The following UACA variants were observed in gnomAD, a reference collection of about 807,000 sequenced individuals.
UACA encodes uveal autoantigen with coiled-coil domains and ankyrin repeats.
Under a neutral mutation model 160.5 loss-of-function variants are expected in UACA, and 112 were observed. That is an observed-to-expected ratio of 0.70 (90% confidence interval 0.60 to 0.82). UACA has a LOEUF of 0.82. Among genes scored for constraint, UACA ranks in the 40% least tolerant of loss-of-function variants. The pLI, the probability that UACA is intolerant of heterozygous loss-of-function variation, is 0.00. For missense variants in UACA, 1,574 were observed against 1,614.6 expected (o/e 0.97, Z 0.43); for synonymous variants, 557 against 568.4 (o/e 0.98, Z 0.29).
chr15:70,719,063 G>T (rs1316246496), intron 1 of UACA, among the ~76,000 whole-genome samples: 6 of 151,452 alleles, frequency 4.0e-5, no homozygotes, highest in Non-Finnish European at 7.4e-5. Flanking sequence ...AGAAAGAAGG[G>T]AGGAAGGAAA....
chr15:70,740,689 AAT>A lies in UACA; in HGVS notation c.78+22639_78+22640del, dbSNP rs1251245755. ...CATTATGGAGTTTTAGGGCAAAAATAATAGTTTCTCCCTTAGAGAAAATAAAA... is the reference window on the plus strand; with the variant it reads ...CATTATGGAGTTTTAGGGCAAAAATAAGTTTCTCCCTTAGAGAAAATAAAA... On this transcript the variant is annotated intron_variant, in intron 1 of 18. Coordinates refer to ENST00000322954, the MANE Select transcript of UACA (RefSeq NM_018003.4). 2.0e-4 allele frequency among the ~76,000 whole-genome samples: 31 copies of A among 151,918 alleles called. No individual in the cohort carries two copies. In the East Asian group the frequency reaches 3.7e-3, roughly 18 times the overall value.
chr15:70,697,432 G>C (rs1898169381), intron 2 of UACA, among the ~76,000 whole-genome samples: 2 of 152,334 alleles, frequency 1.3e-5, no homozygotes, highest in Middle Eastern at 6.8e-3. Context: ...CCCCATCTTG[G>C]ATTGGGCCCT....
rs940089848 is a variant in UACA, at chr15:70,763,231, G to A, written c.78+99C>T. On this transcript the variant is annotated intron_variant, in intron 1 of 18. Coordinates refer to ENST00000322954, the MANE Select transcript of UACA (RefSeq NM_018003.4). ...CAGGGCCGCCGAAGCCGAACTGGCA[G>A]AGGAAAAGCAGAGGAAGGCGGCGCG... 4.1e-6 allele frequency: 5 copies of A among 1,233,988 alleles called. No individual in the cohort carries two copies. The African/African-American group carries it at 6.3e-5, about 16-fold the overall frequency. 76.4% of individuals were successfully genotyped at this position (1,233,988 alleles called of 1,614,324 possible).
chr15:70,735,142 T>A (rs1595915400), intron 1 of UACA, among the ~76,000 whole-genome samples: 8 of 1,394 alleles, frequency 5.7e-3, no homozygotes, highest in Admixed American at 0.023. Context: ...AAACTTAGAG[T>A]ATAATAAAAA....
chr15:70,746,127 G>C (rs1309069406), intron 1 of UACA, among the ~76,000 whole-genome samples: 1 of 152,128 alleles, frequency 6.6e-6, no homozygotes, highest in Non-Finnish European at 1.5e-5. Context: ...AGCCAAAACT[G>C]ACAAATGGGA....
chr15:70,736,902 CAG>C (rs1899385508), intron 1 of UACA, among the ~76,000 whole-genome samples: 3 of 152,132 alleles, frequency 2.0e-5, no homozygotes, highest in Admixed American at 1.3e-4. Context: ...CTGATGGTGA[CAG>C]AGCTCATGAC....
chr15:70,723,016 G>A (rs1278865259), intron 1 of UACA, among the ~76,000 whole-genome samples: 1 of 152,212 alleles, frequency 6.6e-6, no homozygotes, highest in Non-Finnish European at 1.5e-5. Flanking sequence ...TTTGACATCA[G>A]AAAAACCTGG....
intron 1 of UACA, among the ~76,000 whole-genome samples, chr15:70,741,087 G>A (rs1404392971): frequency 6.6e-6 from 1 of 152,110 alleles, no homozygotes; most frequent in African/African-American, 2.4e-5. Context: ...TGGGCTGAGA[G>A]TAGGGAGAGG....
chr15:70,685,251 A>C (rs1353563919), intron 7 of UACA, among the ~76,000 whole-genome samples: 1 of 152,170 alleles, frequency 6.6e-6, no homozygotes, highest in East Asian at 1.9e-4. Context: ...CATGCAACAA[A>C]ATAATTGTCA....
chr15:70,711,892 G>T (rs892863033), intron 1 of UACA, among the ~76,000 whole-genome samples: 2 of 151,998 alleles, frequency 1.3e-5, no homozygotes, highest in African/African-American at 4.8e-5. Context: ...AAAATCACCA[G>T]GTTTGAAATA....
chr15:70,666,286 T>C (rs1221971056), intron 16 of UACA, among the ~76,000 whole-genome samples: 2 of 152,158 alleles, frequency 1.3e-5, no homozygotes, highest in Non-Finnish European at 2.9e-5. Context: ...TAGAAAGACA[T>C]GAGCAACAGA....
chr15:70,662,377 G>A (rs1178426488), intron 17 of UACA, among the ~76,000 whole-genome samples: 2 of 152,036 alleles, frequency 1.3e-5, no homozygotes, highest in African/African-American at 4.8e-5. Context: ...CAAACAAATG[G>A]GAGAACATTC....
At chr15:70,695,916 T>C (rs1316687125) in intron 2 of UACA, among the ~76,000 whole-genome samples, 1 of 152,212 alleles carries the variant, frequency 6.6e-6, no homozygotes, top group Non-Finnish European at 1.5e-5. Flanking sequence ...TCTGTAAATC[T>C]ATGAATTATG....
chr15:70,770,153 A>G, the UACA span, among the ~76,000 whole-genome samples: 1 of 152,236 alleles, frequency 6.6e-6, no homozygotes, highest in Non-Finnish European at 1.5e-5. Flanking sequence ...GAAATAGTTC[A>G]TGAAAATTAT....
intron 1 of UACA, among the ~76,000 whole-genome samples, chr15:70,704,572 T>C (rs1449393087): frequency 6.6e-6 from 1 of 152,176 alleles, no homozygotes; most frequent in Non-Finnish European, 1.5e-5. Context: ...TGTATACTAG[T>C]AGGATAATTT....
In UACA at chr15:70,656,028, G is replaced by A. The variant is rs181691919; in HGVS notation, c.*1028C>T. 9.1e-4 allele frequency: 139 copies of A among 152,208 alleles called. No individual in the cohort carries two copies. Among genetic ancestry groups the A allele is most frequent in the African/African-American group, 3.3e-3 (136 of 41,538 alleles). The allele number at this position is 152,208 out of a possible 1,614,324, so 9.4% of individuals were successfully genotyped here. A position where few individuals can be genotyped will look rare whatever the true frequency, so the allele number is the denominator to read the frequency against. On this transcript the variant is annotated 3_prime_UTR_variant, in exon 19 of 19. Coordinates refer to ENST00000322954, the MANE Select transcript of UACA (RefSeq NM_018003.4). ...ATTTACTATAAACATGTCCACTTAT[G>A]TTATTTTATTGCTATCTATATACTC...
At position 70,671,978 on chromosome 15, in the gene UACA, A is replaced by T; in HGVS notation, c.1155T>A (p.Ser385Arg). 6.3e-7 allele frequency: 1 copy of T among 1,596,440 alleles called. No individual in the cohort carries two copies. Among genetic ancestry groups the T allele is most frequent in the Non-Finnish European group, 8.5e-7 (1 of 1,171,614 alleles). Reference sequence around the variant, plus strand: ...TTTTATACTTACGGTTACTGAAATGACTTCCTGATCCTAAATGATCACTCT... The same window carrying T: ...TTTTATACTTACGGTTACTGAAATGTCTTCCTGATCCTAAATGATCACTCT... Reference protein sequence around the residue: ...YFESDHLGSGSHFSNRKEDML... With the variant: ...YFESDHLGSGRHFSNRKEDML... The change falls in exon 14 of 19, where the codon AGT becomes AGA. Residue 385 changes from serine (S) to arginine (R), a missense_variant. By Grantham distance (110) the Ser-to-Arg change is moderately radical. Transcript: ENST00000322954.
chr15:70,689,801 T>C (rs180939430), intron 5 of UACA, among the ~76,000 whole-genome samples: 5 of 152,172 alleles, frequency 3.3e-5, no homozygotes, highest in Admixed American at 6.6e-5. Context: ...ACCTAAAGAA[T>C]AATGCAAATA....
intron 1 of UACA, among the ~76,000 whole-genome samples, chr15:70,719,164 G>A (rs569468786): frequency 6.6e-6 from 1 of 152,250 alleles, no homozygotes; most frequent in Non-Finnish European, 1.5e-5. Context: ...AAGAGGCTCA[G>A]AAAAGGGGCC....
Sources: gnomAD v4.1 joint callset for allele counts (sites outside exome capture counted in the v4.1 genomes callset) on GRCh38, gnomAD v4.1.1 for gene constraint, MANE v1.5 for transcripts, NCBI Gene and HGNC (gene_info 2026-07-23, HGNC 2026-07-21) for gene names.